Variants in DLGAP2 observed in about 807,000 individuals in gnomAD.
DLGAP2 encodes the protein DLG associated protein 2, also known as disks large-associated protein 2.
Under a neutral mutation model 100.3 loss-of-function variants are expected in DLGAP2, and 26 were observed. That is an observed-to-expected ratio of 0.26 (90% CI 0.19 to 0.36). The LOEUF (loss-of-function observed/expected upper bound fraction) is 0.36. Among genes scored for constraint, DLGAP2 ranks in the 10% least tolerant of loss-of-function variants. The pLI is 1.00. For missense variants in DLGAP2, 1,858 were observed against 1,453.2 expected (o/e 1.28, Z -4.53); for synonymous variants, 886 against 630.1 (o/e 1.41, Z -6.08).
chr8:1,554,545 T>C (rs535842391), intron 5 of DLGAP2, among the ~76,000 whole-genome samples: 3 of 152,224 alleles, frequency 2.0e-5, no homozygotes, highest in Admixed American at 2.0e-4. Context: ...TTGACCTTTA[T>C]TGAGGGTCCC....
chr8:1,613,551 A>G (rs117008927), intron 6 of DLGAP2, among the ~76,000 whole-genome samples: 7,041 of 152,066 alleles, frequency 0.046, 191 homozygotes, highest in South Asian at 0.071. Context: ...ATAAAAAAAA[A>G]AAAAGAAAAG....
At chr8:1,179,284 C>G (rs897497072) in intron 2 of DLGAP2, among the ~76,000 whole-genome samples, 2 of 152,258 alleles carry the variant, frequency 1.3e-5, no homozygotes, top group Non-Finnish European at 2.9e-5. Context: ...TGGGTGAGCA[C>G]TCAGCTCTCT....
intron 3 of DLGAP2, among the ~76,000 whole-genome samples, chr8:1,431,358 T>C (rs887510564): frequency 1.6e-4 from 24 of 152,360 alleles, no homozygotes; most frequent in African/African-American, 5.3e-4. Context: ...TGTTCATTCA[T>C]TGTGCTCCTT....
At chr8:1,359,529 G>C (rs1411718109) in intron 3 of DLGAP2, among the ~76,000 whole-genome samples, 1 of 152,248 alleles carries the variant, frequency 6.6e-6, no homozygotes, top group Non-Finnish European at 1.5e-5. Context: ...GGTTCGTGGG[G>C]ACCACCCGAA....
intron 2 of DLGAP2, among the ~76,000 whole-genome samples, chr8:1,026,828 G>C (rs1383467242): frequency 1.3e-5 from 2 of 152,130 alleles, no homozygotes; most frequent in African/African-American, 4.8e-5. Flanking sequence ...TGAGATTAAC[G>C]ACTTATATGA....
At chr8:1,322,726 A>T (rs1043939894) in intron 3 of DLGAP2, among the ~76,000 whole-genome samples, 2 of 152,174 alleles carry the variant, frequency 1.3e-5, no homozygotes, top group East Asian at 3.8e-4. Context: ...GCCTAAGATG[A>T]TTCCCTGCGT....
chr8:1,317,460 T>C (rs1235773791), intron 3 of DLGAP2, among the ~76,000 whole-genome samples: 3 of 144,002 alleles, frequency 2.1e-5, no homozygotes, highest in Non-Finnish European at 1.5e-5. Flanking sequence ...ATAGAGGCTG[T>C]GCGAGTGCAG....
intron 7 of DLGAP2, among the ~76,000 whole-genome samples, chr8:1,629,933 A>G (rs1374011216): frequency 3.3e-5 from 5 of 152,186 alleles, no homozygotes; most frequent in Non-Finnish European, 7.3e-5. Flanking sequence ...TGAACCCAAG[A>G]TGGTATCTAC....
chr8:1,513,360 A>G (rs1018877729), intron 4 of DLGAP2, among the ~76,000 whole-genome samples: 19 of 151,394 alleles, frequency 1.3e-4, no homozygotes, highest in Non-Finnish European at 2.4e-4. Flanking sequence ...GCTCGGTGGG[A>G]TACGCTACTG....
intron 2 of DLGAP2, among the ~76,000 whole-genome samples, chr8:1,209,206 C>G (rs945850241): frequency 6.6e-6 from 1 of 152,010 alleles, no homozygotes; most frequent in African/African-American, 2.4e-5. Context: ...CAAGACTAAG[C>G]AAAAAGAACG....
chr8:900,298 G>A (rs1330066750), intron 1 of DLGAP2, among the ~76,000 whole-genome samples: 3 of 147,866 alleles, frequency 2.0e-5, no homozygotes, highest in Admixed American at 6.7e-5. Flanking sequence ...GCTCCCGGGC[G>A]GACGGTGGGC....
At chr8:892,976 G>A (rs1584868436) in intron 1 of DLGAP2, 1 of 152,180 alleles carries the variant, frequency 6.6e-6, no homozygotes, top group Non-Finnish European at 1.5e-5. Context: ...TTGGTCTGTG[G>A]TTGTGCAAAC....
At chr8:938,678 G>A (rs535520711) in intron 2 of DLGAP2, among the ~76,000 whole-genome samples, 2 of 152,300 alleles carry the variant, frequency 1.3e-5, no homozygotes, top group Admixed American at 6.5e-5. Flanking sequence ...GTGACCAGCC[G>A]GCATGGCAGC....
At chr8:1,140,706 T>C (rs571060729) in intron 2 of DLGAP2, among the ~76,000 whole-genome samples, 18 of 152,288 alleles carry the variant, frequency 1.2e-4, no homozygotes, top group African/African-American at 3.9e-4. Context: ...GCACAATGAC[T>C]CATACCTGTA....
intron 2 of DLGAP2, among the ~76,000 whole-genome samples, chr8:1,065,665 T>C (rs1803221996): frequency 6.6e-6 from 1 of 152,208 alleles, no homozygotes; most frequent in South Asian, 2.1e-4. Context: ...ATGCTCGTCT[T>C]CCTTCCAATT....
intron 2 of DLGAP2, among the ~76,000 whole-genome samples, chr8:950,622 CTTT>C (rs34631994): frequency 6.9e-5 from 9 of 130,498 alleles, no homozygotes; most frequent in East Asian, 2.1e-4. Flanking sequence ...TTTTCTTTTT[CTTT>C]TTTTTTTTTT....
intron 3 of DLGAP2, among the ~76,000 whole-genome samples, chr8:1,327,568 G>A (rs1257438007): frequency 1.3e-5 from 2 of 152,220 alleles, no homozygotes; most frequent in East Asian, 3.9e-4. Flanking sequence ...TGGTGAGCCA[G>A]GCATGGTGGC....
At chr8:1,177,394 G>A (rs1047350848) in intron 2 of DLGAP2, among the ~76,000 whole-genome samples, 4 of 152,024 alleles carry the variant, frequency 2.6e-5, no homozygotes, top group African/African-American at 7.2e-5. Flanking sequence ...CTCCTGGCCC[G>A]AGTTCTGCCA....
chr8:757,883 C>T (rs143774649), intron 1 of DLGAP2, among the ~76,000 whole-genome samples: 2 of 152,256 alleles, frequency 1.3e-5, no homozygotes, highest in South Asian at 2.1e-4. Context: ...CAGGCATTCC[C>T]AAATGCGTCT....
Sources: gnomAD v4.1 joint callset for allele counts (sites outside exome capture counted in the v4.1 genomes callset) on GRCh38, gnomAD v4.1.1 for gene constraint, MANE v1.5 for transcripts, NCBI Gene and HGNC (gene_info 2026-07-23, HGNC 2026-07-21) for gene names.